SRCIN1: variants seen among roughly 807,000 people sequenced by gnomAD.
The protein encoded by SRCIN1 is P130Cas-associated protein.
Under a neutral mutation model 116.2 loss-of-function variants are expected in SRCIN1, and 50 were observed. That is an observed-to-expected ratio of 0.43 (90% confidence interval 0.34 to 0.54). The LOEUF is 0.54. Ranked by LOEUF, SRCIN1 falls within the 20% of genes least tolerant of loss-of-function variation. The pLI is 0.02. For synonymous variants in SRCIN1, 736 were observed against 750.0 expected, an observed-to-expected ratio of 0.98 and a Z score of 0.30; for missense variants, 1,446 against 1,672.0, an observed-to-expected ratio of 0.86 and a Z score of 2.36.
intron 18 of SRCIN1, among the ~76,000 whole-genome samples, chr17:38,537,893 A>G (rs1196668199): frequency 2.6e-5 from 4 of 151,814 alleles, no homozygotes; most frequent in African/African-American, 7.3e-5. Flanking sequence ...CAAGGTCGGG[A>G]GTTCAAGGCC....
At position 38,605,685 on chromosome 17, in the gene SRCIN1, T is replaced by A; in HGVS notation, c.21A>T (p.Gln7His). 5 of 1,290,448 alleles carry A rather than the reference T, an allele frequency of 3.9e-6. No individual in the cohort carries two copies. Among genetic ancestry groups the A allele is most frequent in the South Asian group, 2.3e-5 (1 of 43,812 alleles). 79.9% of individuals were successfully genotyped at this position (1,290,448 alleles called of 1,614,324 possible). Reference protein sequence around the residue: MGNAPSQDPERSSPPML... With the variant: MGNAPSHDPERSSPPML... ...GGGAGGAGAGAGACAGGGACATGCC[T>A]TGGGACGGAGCGTTCCCCATCGGGC... Residue 7 changes from glutamine (Q) to histidine (H), a missense_variant and splice_region_variant, in exon 1 of 19, where the codon CAA becomes CAT. Transcript: ENST00000617146.
Position 38,551,939 on chromosome 17 carries a change from T to C in SRCIN1, c.2674A>G (p.Lys892Glu). The change falls in exon 14 of 19, where the codon AAA becomes GAA. Residue 892 changes from lysine (K) to glutamate (E), a missense_variant. Around this residue, in one of 5 missense-constraint regions of SRCIN1, gnomAD observed 531 missense variants for 633.9 expected, o/e 0.84. Transcript: ENST00000617146. ...CTCTTGCCAGGAGTGTCCAGGCCTT[T>C]GGTGGGGTTGCCCCCCTTGGGGGTA... ...SLTPKGGNPT[K>E]GLDTPGKRSV... is the part of the protein sequence containing the mutation. The C allele has an allele frequency of 6.2e-7, 1 of 1,614,042 alleles. No individual in the cohort carries two copies. Among genetic ancestry groups the C allele is most frequent in the Non-Finnish European group, 8.5e-7 (1 of 1,179,906 alleles).
rs923978919 is a variant in SRCIN1 at position 38,572,976 on chromosome 17, G to A, written c.325-4745C>T. Among the ~76,000 whole-genome samples the A allele has an allele frequency of 6.6e-6, 1 of 151,988 alleles. No homozygotes were observed. The highest frequency in any genetic ancestry group is 2.4e-5 in the African/African-American group (1 of 41,434). ...GCCGGCGCAGCCCCGCAGAGGAGCGGCGGAGGCTGGTGGCTGCGTCGCCGC... is the reference window on the plus strand; with the variant it reads ...GCCGGCGCAGCCCCGCAGAGGAGCGACGGAGGCTGGTGGCTGCGTCGCCGC... On this transcript the variant is annotated intron_variant, in intron 2 of 18. Coordinates refer to ENST00000617146, the MANE Select transcript of SRCIN1 (RefSeq NM_025248.3). The surrounding 1 kb of genome is among the most constrained non-coding windows in gnomAD (Gnocchi z 4.3).
At position 38,562,183 on chromosome 17, in the gene SRCIN1, C is replaced by T; in HGVS notation, c.980G>A (p.Arg327His). 1 of 1,390,364 alleles carries T rather than the reference C, an allele frequency of 7.2e-7. No individual in the cohort carries two copies. Among genetic ancestry groups the T allele is most frequent in the Non-Finnish European group, 9.2e-7 (1 of 1,082,044 alleles). 86.1% of individuals were successfully genotyped at this position (1,390,364 alleles called of 1,614,324 possible). The change falls in exon 7 of 19, where the codon CGT becomes CAT. Residue 327 changes from arginine to histidine, a missense_variant. Around this residue, in one of 5 missense-constraint regions of SRCIN1, gnomAD observed 239 missense variants for 317.7 expected, o/e 0.75. Transcript: ENST00000617146. The surrounding 1 kb of genome is among the most constrained non-coding windows in gnomAD (Gnocchi z 4.2). Reference protein sequence around the residue: ...PSGLQSGSPSRSRLSYAGGRP... With the variant: ...PSGLQSGSPSHSRLSYAGGRP... ...CCCCCCGGCGTACGATAGGCGCGAA[C>T]GCGACGGCGAACCGGACTGCAGCCC...
At chr17:38,567,976 C>T (rs967754182) in intron 3 of SRCIN1, among the ~76,000 whole-genome samples, 1 of 152,184 alleles carries the variant, frequency 6.6e-6, no homozygotes, top group African/African-American at 2.4e-5. Context: ...CATCTCTAGC[C>T]CAGATCCCCA....
intron 1 of SRCIN1, among the ~76,000 whole-genome samples, chr17:38,590,833 C>T (rs1190333225): frequency 6.6e-6 from 1 of 152,190 alleles, no homozygotes; most frequent in Non-Finnish European, 1.5e-5. Flanking sequence ...TGTGAGTACT[C>T]ATCTAAGCCA....
intron 1 of SRCIN1, among the ~76,000 whole-genome samples, chr17:38,603,077 C>G (rs1489425627): frequency 1.3e-5 from 2 of 152,218 alleles, no homozygotes; most frequent in Non-Finnish European, 2.9e-5. Context: ...CCCCCACCCT[C>G]TAGCTCTGAC....
Position 38,533,444 on chromosome 17 carries a change from C to T in SRCIN1, c.3418-13G>A. 6.2e-7 allele frequency: 1 copy of T among 1,611,176 alleles called. No individual in the cohort carries two copies. Among genetic ancestry groups the T allele is most frequent in the South Asian group, 1.1e-5 (1 of 90,642 alleles). ...ATGGTTTAGTGGCCTGGAACAAAAA[C>T]AGGGGTCAGGGGTCAGAGAGCGGAA... On this transcript the variant is annotated splice_polypyrimidine_tract_variant and intron_variant, in intron 18 of 18. Transcript: ENST00000617146.
At position 38,572,511 on chromosome 17, in the gene SRCIN1, A is replaced by G. The variant is rs1447495483; in HGVS notation, c.325-4280T>C. 6.6e-6 allele frequency among the ~76,000 whole-genome samples: 1 copy of G among 151,122 alleles called. No individual in the cohort carries two copies. Among genetic ancestry groups the G allele is most frequent in the Non-Finnish European group, 1.5e-5 (1 of 67,802 alleles). ...GGCACCTAATGCGGTGGGGGAGGGG[A>G]GGAGGCGTTTCTCAGGGATCGGGAA... On this transcript the variant is annotated intron_variant, in intron 2 of 18. Transcript: ENST00000617146. The surrounding 1 kb of genome is among the most constrained non-coding windows in gnomAD (Gnocchi z 4.3).
rs991571685 is a variant in SRCIN1, at chr17:38,534,012, G to A, written c.3418-581C>T. 1.5e-4 allele frequency among the ~76,000 whole-genome samples: 23 copies of A among 152,126 alleles called. No individual in the cohort carries two copies. In the East Asian group the frequency reaches 1.9e-3, roughly 13 times the overall value. ...CCACCTGGAAATCTGAGAAGAAGGCGCTGCCGCACCAGCCTCCCGCCCAGT... is the reference window on the plus strand; with the variant it reads ...CCACCTGGAAATCTGAGAAGAAGGCACTGCCGCACCAGCCTCCCGCCCAGT... On this transcript the variant is annotated intron_variant, in intron 18 of 18. Coordinates refer to ENST00000617146, the MANE Select transcript of SRCIN1 (RefSeq NM_025248.3).
chr17:38,551,187 G>T lies in SRCIN1; in HGVS notation c.2930C>A (p.Pro977His). ...PKAPHGQKAA[P>H]RTEPSGRRGS... Reference sequence around the variant, plus strand: ...CCTCCTCCCACTGGGCTCCGTTCGGGGGGCTGCCTTCTGGCCGTGGGGGGC... The same window carrying T: ...CCTCCTCCCACTGGGCTCCGTTCGGTGGGCTGCCTTCTGGCCGTGGGGGGC... The change falls in exon 15 of 19, where the codon CCC (proline) becomes CAC (histidine). Residue 977 changes from proline to histidine, a missense_variant. By Grantham distance (77) the Pro-to-His change is moderately conservative. Around this residue, in one of 5 missense-constraint regions of SRCIN1, gnomAD observed 531 missense variants for 633.9 expected, o/e 0.84. Transcript: ENST00000617146. The T allele has an allele frequency of 1.3e-6, 2 of 1,586,114 alleles. No homozygotes were observed.
At position 38,583,548 on chromosome 17, in the gene SRCIN1, GTTTTT is replaced by G. The variant is rs10691272; in HGVS notation, c.23-4762_23-4758del. On this transcript the variant is annotated intron_variant, in intron 1 of 18. Transcript: ENST00000617146. ...GGTTGTTTTCTTTTTTTCATTTTCT[GTTTTT>G]TTTTTTTTTTTTTTTTTGAGACAGA... Among the ~76,000 whole-genome samples, 75 of 104,266 alleles carry G rather than the reference GTTTTT, an allele frequency of 7.2e-4. 1 individual carries two copies. The South Asian group carries it at 0.012, about 17-fold the overall frequency. The allele number at this position is 104,266 out of a possible 152,430, so 68.4% of individuals were successfully genotyped here.
At chr17:38,555,954 G>A (rs1905758699) in intron 11 of SRCIN1, among the ~76,000 whole-genome samples, 1 of 152,170 alleles carries the variant, frequency 6.6e-6, no homozygotes. Flanking sequence ...TCTTAGGCAG[G>A]AGAGACTAGG....
chr17:38,570,892 G>T (rs1265613299), intron 2 of SRCIN1, among the ~76,000 whole-genome samples: 2 of 152,230 alleles, frequency 1.3e-5, no homozygotes, highest in Admixed American at 6.5e-5. Context: ...CCGGTCACTT[G>T]GATGCATGAG....
chr17:38,584,498 C>T (rs1908006911), intron 1 of SRCIN1, among the ~76,000 whole-genome samples: 2 of 152,348 alleles, frequency 1.3e-5, no homozygotes, highest in South Asian at 4.1e-4. Context: ...TGAAAGTGGC[C>T]TGAGGCTGGG....
In SRCIN1 at chr17:38,564,265, G is replaced by C; in HGVS notation, c.394C>G (p.Gln132Glu). 6.4e-7 allele frequency: 1 copy of C among 1,574,048 alleles called. No individual in the cohort carries two copies. Among genetic ancestry groups the C allele is most frequent in the Non-Finnish European group, 8.6e-7 (1 of 1,162,634 alleles). ...GAGGCGTAGGACAGCTTTGCCGCCT[G>C]GTCTGCCAGCCCGGGCTGGGCTCCC... Reference protein sequence around the residue: ...TQGAQPGLADQAAKLSYASAE... With the variant: ...TQGAQPGLADEAAKLSYASAE... The change falls in exon 4 of 19, where the codon CAG becomes GAG. Residue 132 changes from glutamine (Q) to glutamate (E), a missense_variant. Physicochemically the swap from Gln to Glu is conservative, Grantham distance 29. Transcript: ENST00000617146.
rs914397882 is a variant in SRCIN1 at position 38,568,101 on chromosome 17, G to A, written c.345+110C>T. 7.5e-7 allele frequency: 1 copy of A among 1,336,788 alleles called. No homozygotes were observed. Among genetic ancestry groups the A allele is most frequent in the African/African-American group, 1.4e-5 (1 of 69,254 alleles). The allele number at this position is 1,336,788 out of a possible 1,614,324, so 82.8% of individuals were successfully genotyped here. A position where few individuals can be genotyped will look rare whatever the true frequency, so the allele number is the denominator to read the frequency against. ...CGAGGCCCACCGCCCATACCAGAAG[G>A]TGTCCGTGCAGATGCGCACCCCGGT... On this transcript the variant is annotated intron_variant, in intron 3 of 18. Transcript: ENST00000617146. The surrounding 1 kb of genome is among the most constrained non-coding windows in gnomAD (Gnocchi z 4.5).
chr17:38,562,829 G>A lies in SRCIN1; in HGVS notation c.832C>T (p.Arg278Trp). Residue 278 changes from arginine to tryptophan, a missense_variant and splice_region_variant, in exon 6 of 19, where the codon CGG becomes TGG. Arg to Trp is a moderately radical substitution (Grantham distance 101). Coordinates refer to ENST00000617146, the MANE Select transcript of SRCIN1 (RefSeq NM_025248.3). The surrounding 1 kb of genome is among the most constrained non-coding windows in gnomAD (Gnocchi z 4.2). ...PGSHLTNGDL[R>W]REMVYASRES... ...GCCCTGGGCATGCCCAGCCATACCC[G>A]GAGGTCCCCGTTGGTGAGATGTGAG... 1.9e-6 allele frequency: 3 copies of A among 1,613,562 alleles called. No homozygotes were observed. The highest frequency in any genetic ancestry group is 1.7e-6 in the Non-Finnish European group (2 of 1,179,688).
intron 18 of SRCIN1, among the ~76,000 whole-genome samples, chr17:38,539,796 G>A (rs193297741): frequency 2.7e-3 from 409 of 152,024 alleles, no homozygotes; most frequent in South Asian, 4.4e-3. Flanking sequence ...TGAGGCAGGC[G>A]GATCACTTGA....
Sources: allele counts gnomAD v4.1 joint callset (sites outside exome capture counted in the v4.1 genomes callset), GRCh38; gene constraint gnomAD v4.1.1; regional missense constraint gnomAD v4.1.1; non-coding constraint Gnocchi (gnomAD v3.1); transcripts MANE v1.5; gene names NCBI Gene and HGNC (gene_info 2026-07-23, HGNC 2026-07-21).